The following PCNX4 variants were observed in gnomAD, a reference collection of about 807,000 sequenced individuals.
The protein encoded by PCNX4 is pecanex 4.
In PCNX4, 103 loss-of-function variants were observed where a neutral mutation model predicts 107.2. The ratio of observed to expected loss-of-function variants is 0.96; its 90% CI spans 0.82 to 1.13. The LOEUF is 1.13. Among genes scored for constraint, PCNX4 ranks in the 50% most tolerant of loss-of-function variants. PCNX4 has a pLI of 0.00. For synonymous variants in PCNX4, 541 were observed against 481.7 expected (o/e 1.12, Z -1.61); for missense variants, 1,528 against 1,379.4 (o/e 1.11, Z -1.71).
At chr14:60,128,459 CA>C (rs1489720159) in intron 10 of PCNX4, among the ~76,000 whole-genome samples, 1 of 152,088 alleles carries the variant, frequency 6.6e-6, no homozygotes, top group Non-Finnish European at 1.5e-5. Flanking sequence ...AAGAAAACCC[CA>C]AAACAGAAAG....
rs535321266 is a variant in PCNX4, at chr14:60,121,241, G to A, written c.1988G>A (p.Arg663His). Reference protein sequence around the residue: ...GSHYLGRFQDRLMWIMILECG... With the variant: ...GSHYLGRFQDHLMWIMILECG... ...CATTACTTGGGCCGTTTTCAGGATCGTTTAATGTGGATAATGATTCTGGAA... is the reference window on the plus strand; with the variant it reads ...CATTACTTGGGCCGTTTTCAGGATCATTTAATGTGGATAATGATTCTGGAA... The change falls in exon 8 of 11, where the codon CGT (arginine) becomes CAT (histidine). Residue 663 changes from arginine to histidine, a missense_variant. Arg to His is a conservative substitution (Grantham distance 29). Transcript: ENST00000406854. 1.6e-5 allele frequency: 26 copies of A among 1,603,562 alleles called. No homozygotes were observed. Among genetic ancestry groups the A allele is most frequent in the South Asian group, 3.3e-5 (3 of 90,832 alleles).
chr14:60,093,565 GA>G (rs1895354565), intron 1 of PCNX4, among the ~76,000 whole-genome samples: 2 of 152,106 alleles, frequency 1.3e-5, no homozygotes, highest in Non-Finnish European at 2.9e-5. Context: ...TCATTGTGTG[GA>G]TATATCACAT....
Position 60,121,363 on chromosome 14 carries a change from T to G in PCNX4, c.2046+64T>G, listed in dbSNP as rs1001078724. On this transcript the variant is annotated intron_variant, in intron 8 of 10. Coordinates refer to ENST00000406854, the MANE Select transcript of PCNX4 (RefSeq NM_001330177.2). ...TTCATGTGTAAAATTTTACCTGTTA[T>G]GTTCACATCAAACACTCAATTTGAA... is the stretch of plus-strand genomic sequence containing the variant. The G allele has an allele frequency of 2.0e-6, 3 of 1,509,874 alleles. No individual in the cohort carries two copies. In the East Asian group the frequency reaches 6.9e-5, roughly 35 times the overall value. The allele number at this position is 1,509,874 out of a possible 1,614,324, so 93.5% of individuals were successfully genotyped here. A position where few individuals can be genotyped will look rare whatever the true frequency, so the allele number is the denominator to read the frequency against.
At chr14:60,133,941 C>T (rs367669829) in intron 10 of PCNX4, 29 bp from the exon 11 acceptor site, 71 of 1,575,584 alleles carry the variant, frequency 4.5e-5, no homozygotes, top group Non-Finnish European at 5.9e-5. Flanking sequence ...TTTTCTTTTT[C>T]TCCTCCTCCT....
At chr14:60,106,932 G>C (rs911642655) in intron 1 of PCNX4, among the ~76,000 whole-genome samples, 1 of 152,190 alleles carries the variant, frequency 6.6e-6, no homozygotes, top group Non-Finnish European at 1.5e-5. Flanking sequence ...TTTATACTTA[G>C]ATTTATATGG....
chr14:60,104,012 C>A (rs77545807), intron 1 of PCNX4, among the ~76,000 whole-genome samples: 1,874 of 152,198 alleles, frequency 0.012, 40 homozygotes, highest in African/African-American at 0.043. Flanking sequence ...GTAGGATATG[C>A]TGCAAGTTTT....
intron 1 of PCNX4, among the ~76,000 whole-genome samples, chr14:60,094,011 CTG>C (rs1895368099): frequency 6.6e-6 from 1 of 152,212 alleles, no homozygotes; most frequent in South Asian, 2.1e-4. Context: ...GGAGAAATGT[CTG>C]TTCATATCCT....
At position 60,114,519 on chromosome 14, in the gene PCNX4, C is replaced by G. The variant is rs560337248; in HGVS notation, c.690-181C>G. ...AGGGGTAGTTGCTGATGTAGAAGGA[C>G]ACTTGTCACAATTTGTATGTATTGA... On this transcript the variant is annotated intron_variant, in intron 2 of 10. Coordinates refer to ENST00000406854, the MANE Select transcript of PCNX4 (RefSeq NM_001330177.2). Among the ~76,000 whole-genome samples the G allele has an allele frequency of 2.6e-5, 4 of 152,122 alleles. 1 individual carries two copies. The highest frequency in any genetic ancestry group is 3.9e-4 in the East Asian group (2 of 5,188).
At chr14:60,112,663 T>C (rs1895760808) in intron 2 of PCNX4, among the ~76,000 whole-genome samples, 2 of 152,202 alleles carry the variant, frequency 1.3e-5, no homozygotes, top group Non-Finnish European at 2.9e-5. Context: ...TTACACAAAT[T>C]ATCCTATCCT....
rs1417761986 is a variant in PCNX4 at position 60,118,338 on chromosome 14, A to G, written c.1588A>G (p.Ile530Val). ...TTTTACATTTCTACAGGTTGGTATCATACGTGATCGTTTGATTCAGTTCAT... is the reference window on the plus strand; with the variant it reads ...TTTTACATTTCTACAGGTTGGTATCGTACGTGATCGTTTGATTCAGTTCAT... ...TGLRLLLVGIIRDRLIQFISK... is the reference protein window; with the variant it reads ...TGLRLLLVGIVRDRLIQFISK... The change falls in exon 7 of 11, where the codon ATA (isoleucine) becomes GTA (valine). Residue 530 changes from isoleucine (I) to valine (V), a missense_variant. By Grantham distance (29) the Ile-to-Val change is conservative (BLOSUM62 3). Coordinates refer to ENST00000406854, the MANE Select transcript of PCNX4 (RefSeq NM_001330177.2). The G allele has an allele frequency of 3.1e-6, 5 of 1,609,114 alleles. No homozygotes were observed. The Admixed American group carries it at 5.1e-5, about 16-fold the overall frequency.
chr14:60,096,582 G>A (rs1335291125), intron 1 of PCNX4, among the ~76,000 whole-genome samples: 7 of 152,158 alleles, frequency 4.6e-5, no homozygotes, highest in Admixed American at 1.3e-4. Flanking sequence ...GGTAACCACG[G>A]CCATAAGTTA....
chr14:60,124,600 T>G lies in PCNX4; in HGVS notation c.2429T>G (p.Ile810Arg), dbSNP rs914526347. ...TLPPPKSPED[I>R]DSLNSETFND... ...CCACCTCCCAAATCCCCAGAAGACATAGACAGTTTAAATTCAGAAACTTTT... is the reference window on the plus strand; with the variant it reads ...CCACCTCCCAAATCCCCAGAAGACAGAGACAGTTTAAATTCAGAAACTTTT... Residue 810 changes from isoleucine (I) to arginine (R), a missense_variant, in exon 9 of 11, where the codon ATA becomes AGA. Ile to Arg is a moderately conservative substitution (Grantham distance 97, BLOSUM62 -3). Transcript: ENST00000406854. 6.2e-7 allele frequency: 1 copy of G among 1,613,670 alleles called. No homozygotes were observed. The highest frequency in any genetic ancestry group is 8.5e-7 in the Non-Finnish European group (1 of 1,179,782).
At chr14:60,131,023 A>G (rs1242236535) in intron 10 of PCNX4, among the ~76,000 whole-genome samples, 1 of 141,594 alleles carries the variant, frequency 7.1e-6, no homozygotes, top group Non-Finnish European at 1.5e-5. Flanking sequence ...AGACACCCAC[A>G]GCTTCCTGTC....
At chr14:60,116,174 A>T in intron 6 of PCNX4, 114 bp downstream of exon 6, 1 of 1,021,094 alleles carries the variant, frequency 9.8e-7, no homozygotes, top group East Asian at 2.8e-5. Flanking sequence ...ATTTTAGAAC[A>T]TTTTCAACAT....
intron 1 of PCNX4, among the ~76,000 whole-genome samples, chr14:60,098,428 A>C (rs1895468074): frequency 6.6e-6 from 1 of 152,200 alleles, no homozygotes; most frequent in Non-Finnish European, 1.5e-5. Flanking sequence ...TCTTTAACTT[A>C]CACTGTGACC....
rs758195112 is a variant in PCNX4, at chr14:60,121,192, G to A, written c.1943-4G>A. ...TTTTTTTTTTTTTTTCTAATTTGTTGTAGGTCTCCTCCTACCTGGATCTCA... is the reference window on the plus strand; with the variant it reads ...TTTTTTTTTTTTTTTCTAATTTGTTATAGGTCTCCTCCTACCTGGATCTCA... On this transcript the variant is annotated splice_polypyrimidine_tract_variant and splice_region_variant and intron_variant, in intron 7 of 10. Transcript: ENST00000406854. 1 of 620,686 alleles carries A rather than the reference G, an allele frequency of 1.6e-6. No individual in the cohort carries two copies. 38.4% of individuals were successfully genotyped at this position (620,686 alleles called of 1,614,324 possible). A position where few individuals can be genotyped will look rare whatever the true frequency, so the allele number is the denominator to read the frequency against.
chr14:60,121,229 G>A lies in PCNX4; in HGVS notation c.1976G>A (p.Arg659His), dbSNP rs187321934. Residue 659 changes from arginine to histidine, a missense_variant, in exon 8 of 11, where the codon CGT (arginine) becomes CAT (histidine). Coordinates refer to ENST00000406854, the MANE Select transcript of PCNX4 (RefSeq NM_001330177.2). ...LLLPGSHYLG[R>H]FQDRLMWIMI... is the part of the protein sequence containing the mutation. ...CTACCTGGATCTCATTACTTGGGCC[G>A]TTTTCAGGATCGTTTAATGTGGATA... The A allele has an allele frequency of 3.0e-5, 47 of 1,589,930 alleles. No individual in the cohort carries two copies. The highest frequency in any genetic ancestry group is 1.7e-4 in the Middle Eastern group (1 of 5,942).
intron 10 of PCNX4, among the ~76,000 whole-genome samples, chr14:60,126,508 T>A (rs1037414425): frequency 2.0e-5 from 3 of 152,170 alleles, no homozygotes; most frequent in African/African-American, 7.2e-5. Context: ...ACACATTTAT[T>A]CAAAGAAATC....
rs1895828978 is a variant in PCNX4 at position 60,115,468 on chromosome 14, A to G, written c.1357+7A>G. The G allele has an allele frequency of 6.6e-7, 1 of 1,516,884 alleles. No homozygotes were observed. The highest frequency in any genetic ancestry group is 1.4e-5 in the African/African-American group (1 of 71,962). 94.0% of individuals were successfully genotyped at this position (1,516,884 alleles called of 1,614,324 possible). A position where few individuals can be genotyped will look rare whatever the true frequency, so the allele number is the denominator to read the frequency against. ...CGGATTTTGCTAACTTTAGGTAGGA[A>G]GATAAAGTCTATTAACCTTGTGTTA... is the stretch of plus-strand genomic sequence containing the variant. On this transcript the variant is annotated splice_region_variant and intron_variant, in intron 4 of 10. Coordinates refer to ENST00000406854, the MANE Select transcript of PCNX4 (RefSeq NM_001330177.2).
Sources: gnomAD v4.1 joint callset for allele counts (sites outside exome capture counted in the v4.1 genomes callset) on GRCh38, gnomAD v4.1.1 for gene constraint, MANE v1.5 for transcripts, NCBI Gene and HGNC (gene_info 2026-07-23, HGNC 2026-07-21) for gene names.